The following SFMBT1 variants were observed in gnomAD, a reference collection of about 807,000 sequenced individuals.
SFMBT1 encodes the protein scm-like with four MBT domains protein 1.
SFMBT1 carries 32 observed loss-of-function variants against 108.7 expected under a neutral mutation model. The observed-to-expected ratio is 0.29, with a 90% confidence interval of 0.22 to 0.40. The LOEUF is 0.40. Among genes scored for constraint, SFMBT1 ranks in the 10% least tolerant of loss-of-function variants. SFMBT1 has a pLI of 1.00. For synonymous variants in SFMBT1, 348 were observed against 369.5 expected (o/e 0.94, Z 0.67); for missense variants, 816 against 1,059.6 (o/e 0.77, Z 3.19).
intron 10 of SFMBT1, among the ~76,000 whole-genome samples, chr3:52,924,412 C>T (rs1407012371): frequency 9.2e-5 from 14 of 151,882 alleles, no homozygotes; most frequent in Admixed American, 7.9e-4. Flanking sequence ...GAGGCTGAGG[C>T]GGGAAGATCA....
At chr3:52,992,497 A>AT (rs1247569875) in intron 1 of SFMBT1, among the ~76,000 whole-genome samples, 2 of 152,192 alleles carry the variant, frequency 1.3e-5, no homozygotes, top group African/African-American at 4.8e-5. Flanking sequence ...TGTTAAAGTG[A>AT]TTTTGATTTC....
chr3:53,020,373 G>C (rs1699266274), intron 1 of SFMBT1, among the ~76,000 whole-genome samples: 1 of 151,814 alleles, frequency 6.6e-6, no homozygotes, highest in African/African-American at 2.4e-5. Flanking sequence ...CTGGGTGACA[G>C]AATGAGACTC....
At chr3:53,013,340 G>C (rs1699017120) in intron 1 of SFMBT1, among the ~76,000 whole-genome samples, 1 of 151,592 alleles carries the variant, frequency 6.6e-6, no homozygotes. Context: ...ACAGGGAACA[G>C]GTAAACTTAG....
At chr3:52,962,845 G>A (rs1704009801) in intron 2 of SFMBT1, among the ~76,000 whole-genome samples, 1 of 147,786 alleles carries the variant, frequency 6.8e-6, no homozygotes, top group Non-Finnish European at 1.5e-5. Flanking sequence ...ATGTGAGTAT[G>A]AGGATATATG....
chr3:53,033,855 A>G (rs1336601822), intron 1 of SFMBT1, among the ~76,000 whole-genome samples: 1 of 151,910 alleles, frequency 6.6e-6, no homozygotes, highest in Non-Finnish European at 1.5e-5. Flanking sequence ...GGGTCACCTG[A>G]GGTCAGGAGC....
chr3:52,992,938 G>C, intron 1 of SFMBT1, among the ~76,000 whole-genome samples: 1 of 152,162 alleles, frequency 6.6e-6, no homozygotes, highest in South Asian at 2.1e-4. Context: ...ACTTCTGTCT[G>C]AATGAAACTG....
intron 2 of SFMBT1, among the ~76,000 whole-genome samples, chr3:52,961,204 G>A (rs900294138): frequency 4.6e-5 from 7 of 152,052 alleles, no homozygotes; most frequent in African/African-American, 7.2e-5. Context: ...AAATAAGCCC[G>A]TCACAAAAGA....
At chr3:53,000,483 A>G (rs540243662) in intron 1 of SFMBT1, among the ~76,000 whole-genome samples, 1 of 150,002 alleles carries the variant, frequency 6.7e-6, no homozygotes, top group East Asian at 1.9e-4. Context: ...AGAGATGTAC[A>G]TTAAAGTATT....
chr3:52,992,653 C>CCAAT (rs1705181082), intron 1 of SFMBT1, among the ~76,000 whole-genome samples: 5 of 152,036 alleles, frequency 3.3e-5, no homozygotes, highest in Admixed American at 3.3e-4. Flanking sequence ...CTTAAACTAA[C>CCAAT]CAATAATTTC....
intron 1 of SFMBT1, among the ~76,000 whole-genome samples, chr3:53,040,726 A>G (rs1700012269): frequency 6.6e-6 from 1 of 152,120 alleles, no homozygotes; most frequent in African/African-American, 2.4e-5. Flanking sequence ...TGGCTCACTG[A>G]AGTTACTCAA....
intron 10 of SFMBT1, among the ~76,000 whole-genome samples, chr3:52,924,573 C>T (rs539222938): frequency 7.4e-4 from 112 of 152,014 alleles, no homozygotes; most frequent in Non-Finnish European, 1.5e-3. Flanking sequence ...ACCCGGGAGG[C>T]GGAGGTTGCA....
At chr3:52,945,161 C>CG (rs1703325300) in intron 3 of SFMBT1, among the ~76,000 whole-genome samples, 1 of 41,212 alleles carries the variant, frequency 2.4e-5, no homozygotes, top group Non-Finnish European at 5.9e-5. Context: ...ACAAGGACTT[C>CG]AGGGAAAAAA....
chr3:52,943,252 AAACCTATATGCTCGAG>A, intron 4 of SFMBT1, 85 bp downstream of exon 4: 3 of 1,411,514 alleles, frequency 2.1e-6, no homozygotes, highest in Non-Finnish European at 2.9e-6. Context: ...AAAGCTGGGT[AAACCTATATGCTCGAG>A]AGACTTAAAA....
At chr3:52,975,087 T>C (rs1456282609) in intron 1 of SFMBT1, among the ~76,000 whole-genome samples, 2 of 150,426 alleles carry the variant, frequency 1.3e-5, no homozygotes, top group Non-Finnish European at 3.0e-5. Context: ...TTGAATAAAC[T>C]GGTACTAATA....
chr3:52,985,742 T>C (rs1486954126), intron 1 of SFMBT1, among the ~76,000 whole-genome samples: 2 of 152,186 alleles, frequency 1.3e-5, no homozygotes, highest in South Asian at 2.1e-4. Flanking sequence ...GTGTAGCCTA[T>C]TGCCCCTAGG....
chr3:53,022,651 C>A (rs1699356213), intron 1 of SFMBT1, among the ~76,000 whole-genome samples: 1 of 151,986 alleles, frequency 6.6e-6, no homozygotes, highest in Non-Finnish European at 1.5e-5. Context: ...GTGAAATAAG[C>A]CAGTCAGTCA....
chr3:53,044,051 T>C (rs1056218232), intron 1 of SFMBT1, among the ~76,000 whole-genome samples: 13 of 152,228 alleles, frequency 8.5e-5, no homozygotes, highest in African/African-American at 2.7e-4. Flanking sequence ...TAAAAAGTCA[T>C]TGAATTGTAC....
intron 4 of SFMBT1, among the ~76,000 whole-genome samples, chr3:52,941,259 A>G (rs527795226): frequency 2.0e-5 from 3 of 152,328 alleles, no homozygotes; most frequent in South Asian, 4.1e-4. Context: ...GAGACATGAC[A>G]ACTGAATGTA....
intron 1 of SFMBT1, among the ~76,000 whole-genome samples, chr3:52,993,880 A>C (rs995322991): frequency 3.3e-5 from 5 of 150,446 alleles, no homozygotes; most frequent in Non-Finnish European, 7.4e-5. Context: ...CGTAAGTCAA[A>C]GCTAAAAAAA....
Sources: gnomAD v4.1 joint callset for allele counts (sites outside exome capture counted in the v4.1 genomes callset) on GRCh38, gnomAD v4.1.1 for gene constraint, MANE v1.5 for transcripts, NCBI Gene and HGNC (gene_info 2026-07-23, HGNC 2026-07-21) for gene names.